FBXL13: variants seen among roughly 807,000 people sequenced by gnomAD.
The protein encoded by FBXL13 is F-box and leucine rich repeat protein 13, also known as F-box and leucine-rich repeat protein 13.
Under a neutral mutation model 83.6 loss-of-function variants are expected in FBXL13, and 67 were observed. That is an observed-to-expected ratio of 0.80 (90% CI 0.66 to 0.98). FBXL13 has a LOEUF of 0.98. FBXL13 is among the 50% of genes least tolerant of loss of function. The pLI is 0.00. For synonymous variants in FBXL13, 272 were observed against 299.5 expected, an observed-to-expected ratio of 0.91 and a Z score of 0.95; for missense variants, 822 against 866.5, an observed-to-expected ratio of 0.95 and a Z score of 0.64.
At chr7:102,826,751 ATATATATATATATATATATATG>A (rs1273060390) in intron 18 of FBXL13, among the ~76,000 whole-genome samples, 3 of 109,844 alleles carry the variant, frequency 2.7e-5, no homozygotes, top group Admixed American at 1.1e-4. Flanking sequence ...ATATATATAT[ATATATATATATATATATATATG>A]TATATATATC....
At position 102,926,478 on chromosome 7, in the gene FBXL13, T is replaced by C. The variant is rs1015555210; in HGVS notation, c.778-104A>G. ...TCTTCCTGTTCCAGAAAAAAATACA[T>C]GTAAGAGTTGGTTTCTTCATATTCT... On this transcript the variant is annotated intron_variant, in intron 9 of 19. Coordinates refer to ENST00000313221, the Ensembl canonical transcript of FBXL13. The C allele has an allele frequency of 3.7e-6, 3 of 812,758 alleles. No homozygotes were observed. In the African/African-American group the frequency reaches 5.3e-5, roughly 14 times the overall value. 50.3% of individuals were successfully genotyped at this position (812,758 alleles called of 1,614,324 possible).
chr7:103,020,276 C>A (rs1181485817), intron 6 of FBXL13, among the ~76,000 whole-genome samples: 4 of 152,112 alleles, frequency 2.6e-5, no homozygotes, highest in African/African-American at 9.7e-5. Context: ...ATTCAACAAC[C>A]CTTCGTGCTA....
chr7:103,066,859 G>A (rs1268607539), intron 1 of FBXL13, among the ~76,000 whole-genome samples: 5 of 147,936 alleles, frequency 3.4e-5, no homozygotes, highest in Admixed American at 6.8e-5. Flanking sequence ...TGGCGTGATC[G>A]CAGCTCACCG....
At chr7:102,919,158 T>A (rs1473531370) in intron 10 of FBXL13, among the ~76,000 whole-genome samples, 6 of 152,222 alleles carry the variant, frequency 3.9e-5, no homozygotes, top group African/African-American at 1.4e-4. Context: ...CACAGTGGAA[T>A]TATTTACACC....
chr7:102,842,142 C>T (rs1051249102), intron 17 of FBXL13, among the ~76,000 whole-genome samples: 8 of 152,156 alleles, frequency 5.3e-5, no homozygotes, highest in African/African-American at 1.4e-4. Context: ...TCCAAATGTC[C>T]GGACGTTCCA....
At chr7:102,994,155 C>G (rs1258806926) in intron 6 of FBXL13, among the ~76,000 whole-genome samples, 1 of 152,042 alleles carries the variant, frequency 6.6e-6, no homozygotes, top group Non-Finnish European at 1.5e-5. Flanking sequence ...GAATAATTAA[C>G]TTATATGTTT....
At chr7:102,918,098 G>T (rs184640235) in intron 10 of FBXL13, among the ~76,000 whole-genome samples, 21 of 152,282 alleles carry the variant, frequency 1.4e-4, no homozygotes, top group African/African-American at 5.1e-4. Context: ...GAGAATGACA[G>T]CAGAAACAAC....
rs1165713879 is a variant in FBXL13 at position 103,067,647 on chromosome 7, G to A, written c.-105+6599C>T. Among the ~76,000 whole-genome samples the A allele has an allele frequency of 3.3e-5, 5 of 152,184 alleles. No individual in the cohort carries two copies. In the South Asian group the frequency reaches 8.3e-4, roughly 25 times the overall value. On this transcript the variant is annotated intron_variant, in intron 1 of 19. Transcript: ENST00000313221. Reference sequence around the variant, plus strand: ...GTCAGTCTCAGGAGAGGTCCTCATCGACAGCCAGCATCAACTGCCAGGCAT... The same window carrying A: ...GTCAGTCTCAGGAGAGGTCCTCATCAACAGCCAGCATCAACTGCCAGGCAT...
At chr7:102,824,489 CTCTTTTTTTCTT>C (rs1256106318) in intron 18 of FBXL13, among the ~76,000 whole-genome samples, 1 of 151,820 alleles carries the variant, frequency 6.6e-6, no homozygotes, top group Non-Finnish European at 1.5e-5. Context: ...ATTTTGCATC[CTCTTTTTTTCTT>C]TCTTTTTTTT....
At chr7:102,863,880 G>C (rs1316645620) in intron 16 of FBXL13, among the ~76,000 whole-genome samples, 1 of 151,984 alleles carries the variant, frequency 6.6e-6, no homozygotes, top group Non-Finnish European at 1.5e-5. Context: ...CTGCCTCCCT[G>C]TTCCCCATAT....
intron 8 of FBXL13, among the ~76,000 whole-genome samples, chr7:102,962,740 C>T (rs1585150864): frequency 1.3e-5 from 2 of 150,956 alleles, no homozygotes; most frequent in South Asian, 4.2e-4. Context: ...GAACAAAAAA[C>T]CAAACACCAC....
chr7:102,975,042 C>G (rs1203342970), intron 6 of FBXL13, among the ~76,000 whole-genome samples: 1 of 152,152 alleles, frequency 6.6e-6, no homozygotes, highest in Non-Finnish European at 1.5e-5. Context: ...ACTTAACCCT[C>G]CTTCCCCCTT....
chr7:103,059,982 C>A (rs1797693190), intron 1 of FBXL13, among the ~76,000 whole-genome samples: 1 of 122,204 alleles, frequency 8.2e-6, no homozygotes, highest in Admixed American at 9.8e-5. Flanking sequence ...GTGTCTAGCA[C>A]AAAATAGGCA....
At chr7:102,942,448 TA>T (rs1488694211) in intron 8 of FBXL13, 3 of 979,444 alleles carry the variant, frequency 3.1e-6, no homozygotes, top group African/African-American at 1.7e-5. Flanking sequence ...GATACCCTAC[TA>T]GGGGGTTTTT....
Position 102,834,473 on chromosome 7 carries a change from A to ATATATATATATGTG in FBXL13, c.1720-1500_1720-1499insCACATATATATATA, listed in dbSNP as rs1491519097. 1.1e-3 allele frequency: 150 copies of ATATATATATATGTG among 141,538 alleles called. 1 individual carries two copies. The highest frequency in any genetic ancestry group is 9.4e-3 in the East Asian group (46 of 4,916). 8.8% of individuals were successfully genotyped at this position (141,538 alleles called of 1,614,324 possible). A position where few individuals can be genotyped will look rare whatever the true frequency, so the allele number is the denominator to read the frequency against. ...TATGTGATTATATATATATATATATATGTGATGTGGCTCTTAGCACAAAAT... is the reference window on the plus strand; with the variant it reads ...TATGTGATTATATATATATATATATATATATATATATGTGTGTGATGTGGCTCTTAGCACAAAAT... On this transcript the variant is annotated intron_variant, in intron 17 of 19. Coordinates refer to ENST00000313221, the Ensembl canonical transcript of FBXL13.
At chr7:102,927,177 A>G (rs1021858055) in intron 9 of FBXL13, among the ~76,000 whole-genome samples, 5 of 152,374 alleles carry the variant, frequency 3.3e-5, no homozygotes, top group Non-Finnish European at 4.4e-5. Flanking sequence ...TGCTTTTTGT[A>G]TAGGTAACAC....
At chr7:102,874,378 A>C in intron 16 of FBXL13, 1 of 985,348 alleles carries the variant, frequency 1.0e-6, no homozygotes, top group Non-Finnish European at 1.2e-6. Flanking sequence ...CTTTTAGTTC[A>C]GAGTTTAACT....
chr7:103,018,864 C>T (rs1176825545), intron 6 of FBXL13, among the ~76,000 whole-genome samples: 2 of 152,026 alleles, frequency 1.3e-5, no homozygotes, highest in Non-Finnish European at 2.9e-5. Context: ...TAGACTCCCA[C>T]ACAATAATAA....
chr7:102,870,738 A>C (rs1808414527), intron 16 of FBXL13, among the ~76,000 whole-genome samples: 1 of 152,168 alleles, frequency 6.6e-6, no homozygotes. Context: ...TTCTTTAATT[A>C]ACAGTAAATG....
Sources: gnomAD v4.1 joint callset for allele counts (sites outside exome capture counted in the v4.1 genomes callset) on GRCh38, gnomAD v4.1.1 for gene constraint, MANE v1.5 for transcripts, NCBI Gene and HGNC (gene_info 2026-07-23, HGNC 2026-07-21) for gene names.